UMAD1: variants seen among roughly 807,000 people sequenced by gnomAD.
UMAD1 encodes UBAP1-MVB12-associated (UMA)-domain containing protein 1.
In UMAD1, 8 loss-of-function variants were observed where a neutral mutation model predicts 6.1. The ratio of observed to expected loss-of-function variants is 1.30; its 90% CI spans 0.76 to 2.35. The LOEUF (loss-of-function observed/expected upper bound fraction) is 2.35, where lower values mean the gene tolerates loss of function less well. UMAD1 is among the 30% of genes most tolerant of loss of function. The probability of loss-of-function intolerance (pLI) is 0.00; values close to 1 mark genes in which losing one functional copy is unlikely to be tolerated. For synonymous variants in UMAD1, 56 were observed against 31.4 expected (o/e 1.78, Z -2.61); for missense variants, 130 against 78.4 (o/e 1.66, Z -2.49).
intron 2 of UMAD1, among the ~76,000 whole-genome samples, chr7:7,744,732 T>C (rs1447462652): frequency 6.6e-6 from 1 of 152,202 alleles, no homozygotes; most frequent in East Asian, 1.9e-4. Context: ...GATAAATGTC[T>C]ATTCAGATAT....
chr7:7,837,117 C>T (rs1783586532), intron 3 of UMAD1, among the ~76,000 whole-genome samples: 1 of 151,996 alleles, frequency 6.6e-6, no homozygotes, highest in Admixed American at 6.6e-5. Context: ...AGAACTAAAG[C>T]TGATTTGTCA....
At chr7:7,856,247 T>C (rs1172493632) in intron 3 of UMAD1, among the ~76,000 whole-genome samples, 1 of 152,188 alleles carries the variant, frequency 6.6e-6, no homozygotes, top group African/African-American at 2.4e-5. Context: ...CACATTGTTA[T>C]AAGGAAATAC....
In UMAD1 at chr7:7,818,861, T is replaced by C. The variant is rs866891619; in HGVS notation, c.156+17118T>C. ...TATGTTGCCCATAGTTTTTCCTCTG[T>C]TTTTTTGAGACGGAGTCTTGCTCTG... is the stretch of plus-strand genomic sequence containing the variant. On this transcript the variant is annotated intron_variant, in intron 3 of 3. Transcript: ENST00000682710. 1.4e-4 allele frequency among the ~76,000 whole-genome samples: 21 copies of C among 152,290 alleles called. No individual in the cohort carries two copies. In the Middle Eastern group the frequency reaches 0.01, roughly 74 times the overall value.
intron 3 of UMAD1, among the ~76,000 whole-genome samples, chr7:7,841,837 T>A (rs75930289): frequency 0.028 from 4,286 of 152,288 alleles, 106 homozygotes; most frequent in African/African-American, 0.054. Context: ...TAAAGAGACA[T>A]ACCTCCTATA....
At chr7:7,866,360 G>A (rs1287471702) in intron 3 of UMAD1, among the ~76,000 whole-genome samples, 5 of 152,190 alleles carry the variant, frequency 3.3e-5, no homozygotes, top group African/African-American at 1.2e-4. Flanking sequence ...TGTGATGTGT[G>A]CTGTGAGGGA....
intron 2 of UMAD1, among the ~76,000 whole-genome samples, chr7:7,771,125 T>G (rs1027900362): frequency 1.3e-5 from 1 of 74,398 alleles, no homozygotes; most frequent in Non-Finnish European, 3.4e-5. Context: ...TTTTTGTTAG[T>G]TTTTTTTTTT....
At chr7:7,877,122 T>C (rs1284061539) in intron 3 of UMAD1, among the ~76,000 whole-genome samples, 159 bp from the exon 4 acceptor site, 1 of 152,214 alleles carries the variant, frequency 6.6e-6, no homozygotes, top group African/African-American at 2.4e-5. Flanking sequence ...GAGATTTGGA[T>C]GAATGTAATT....
intron 2 of UMAD1, among the ~76,000 whole-genome samples, chr7:7,800,909 T>A (rs1782785806): frequency 6.6e-6 from 1 of 152,228 alleles, no homozygotes; most frequent in South Asian, 2.1e-4. Context: ...AATTTACAAA[T>A]GGCTAAATTA....
chr7:7,709,485 G>T (rs1350656000), intron 2 of UMAD1, among the ~76,000 whole-genome samples: 1 of 152,206 alleles, frequency 6.6e-6, no homozygotes, highest in Non-Finnish European at 1.5e-5. Flanking sequence ...AAAGCAGAAG[G>T]AACTGTGTGG....
chr7:7,672,733 G>A (rs28915985), intron 1 of UMAD1, among the ~76,000 whole-genome samples: 8,686 of 152,224 alleles, frequency 0.057, 320 homozygotes, highest in Middle Eastern at 0.13. Flanking sequence ...ATGTGAAACT[G>A]TGAGTCAATT....
intron 2 of UMAD1, among the ~76,000 whole-genome samples, chr7:7,723,630 C>G (rs1175751601): frequency 6.6e-6 from 1 of 152,176 alleles, no homozygotes; most frequent in African/African-American, 2.4e-5. Context: ...CTGTATCTTT[C>G]AAGAGCCCGA....
chr7:7,824,980 G>A (rs931965043), intron 3 of UMAD1, among the ~76,000 whole-genome samples: 1 of 152,056 alleles, frequency 6.6e-6, no homozygotes, highest in African/African-American at 2.4e-5. Flanking sequence ...AATAAAGTAG[G>A]CCCATATAGA....
intron 1 of UMAD1, among the ~76,000 whole-genome samples, chr7:7,650,611 A>C (rs1200157825): frequency 1.3e-5 from 2 of 152,186 alleles, no homozygotes; most frequent in Non-Finnish European, 2.9e-5. Flanking sequence ...TTAAATGATA[A>C]ATTTTATGTA....
At chr7:7,801,626 A>G in intron 2 of UMAD1, 44 bp from the exon 3 acceptor site, 2 of 709,202 alleles carry the variant, frequency 2.8e-6, no homozygotes, top group Non-Finnish European at 5.2e-6. Flanking sequence ...TGGCCTCAGT[A>G]ATATGGTCAA....
At position 7,767,403 on chromosome 7, in the gene UMAD1, G is replaced by A. The variant is rs373821279; in HGVS notation, c.83-34267G>A. On this transcript the variant is annotated intron_variant, in intron 2 of 3. Coordinates refer to ENST00000682710, the MANE Select transcript of UMAD1 (RefSeq NM_001302348.2). ...GTCTCCCAAAGTGCTGAGATTACAG[G>A]CGTGAGCCACCGCGCCCAGCCAGAA... Among the ~76,000 whole-genome samples, 4 of 152,274 alleles carry A rather than the reference G, an allele frequency of 2.6e-5. No individual in the cohort carries two copies. The East Asian group carries it at 5.8e-4, about 22-fold the overall frequency.
At chr7:7,665,009 A>G (rs1397614558) in intron 1 of UMAD1, among the ~76,000 whole-genome samples, 1 of 152,070 alleles carries the variant, frequency 6.6e-6, no homozygotes, top group Non-Finnish European at 1.5e-5. Context: ...ATAGATATAT[A>G]TATATACACA....
At chr7:7,776,436 TAGAG>T (rs1782210717) in intron 2 of UMAD1, among the ~76,000 whole-genome samples, 1 of 152,184 alleles carries the variant, frequency 6.6e-6, no homozygotes, top group East Asian at 1.9e-4. Context: ...GTTATACAGA[TAGAG>T]AGCAGATTAG....
intron 1 of UMAD1, among the ~76,000 whole-genome samples, chr7:7,671,574 G>A (rs920822803): frequency 2.0e-5 from 3 of 152,162 alleles, no homozygotes; most frequent in African/African-American, 7.2e-5. Context: ...AATTGTGTAA[G>A]TCGTTTAATT....
intron 3 of UMAD1, among the ~76,000 whole-genome samples, chr7:7,875,264 A>G (rs558763451): frequency 2.6e-4 from 39 of 152,348 alleles, no homozygotes; most frequent in Middle Eastern, 3.4e-3. Flanking sequence ...GACATCTAAC[A>G]TAACAATTAA....
Sources: allele counts gnomAD v4.1 joint callset (sites outside exome capture counted in the v4.1 genomes callset), GRCh38; gene constraint gnomAD v4.1.1; transcripts MANE v1.5; gene names NCBI Gene and HGNC (gene_info 2026-07-23, HGNC 2026-07-21).